CHST6: variants seen among roughly 807,000 people sequenced by gnomAD.
CHST6 encodes carbohydrate sulfotransferase 6.
For synonymous variants in CHST6, 309 were observed against 276.4 expected (o/e 1.12, Z -1.17); for missense variants, 698 against 586.2 (o/e 1.19, Z -1.97).
At chr16:75,482,425 G>A (rs966667120) in intron 1 of CHST6, among the ~76,000 whole-genome samples, 1 of 152,126 alleles carries the variant, frequency 6.6e-6, no homozygotes, top group South Asian at 2.1e-4. Context: ...GCACATGCCT[G>A]TACTAGGGAG....
In CHST6 at chr16:75,479,432, G is replaced by C; in HGVS notation, c.397C>G (p.Pro133Ala). The part of the protein sequence containing the change: ...WAVSRALCSP[P>A]ACSAFPRGAI... ...CCTCGGGGAAAGGCACTGCAGGCGGGTGGCGAGCACAGTGCACGGCTCACG... is the reference window on the plus strand; with the variant it reads ...CCTCGGGGAAAGGCACTGCAGGCGGCTGGCGAGCACAGTGCACGGCTCACG... The change falls in exon 3 of 3, where the codon CCC becomes GCC. Residue 133 changes from proline (P) to alanine (A), a missense_variant. Coordinates refer to ENST00000332272, the MANE Select transcript of CHST6 (RefSeq NM_021615.5). The C allele has an allele frequency of 6.2e-7, 1 of 1,612,928 alleles. No homozygotes were observed. The highest frequency in any genetic ancestry group is 8.5e-7 in the Non-Finnish European group (1 of 1,179,846).
chr16:75,492,782 G>A (rs1473054649), intron 1 of CHST6, among the ~76,000 whole-genome samples: 2 of 152,194 alleles, frequency 1.3e-5, no homozygotes, highest in Admixed American at 6.5e-5. Flanking sequence ...CCAGGAGTCC[G>A]AAGCTGCAGT....
rs2080087806 is a variant in CHST6 at position 75,478,271 on chromosome 16, C to T, written c.*370G>A. ...CATTTCACCACAGTGCCTCTCCACT[C>T]CCAGCCAGTGCCAGGGCACCCCCTC... On this transcript the variant is annotated 3_prime_UTR_variant, in exon 3 of 3. Transcript: ENST00000332272. The T allele has an allele frequency of 2.7e-6, 1 of 368,096 alleles. No individual in the cohort carries two copies. Among genetic ancestry groups the T allele is most frequent in the Non-Finnish European group, 5.2e-6 (1 of 193,194 alleles). The allele number at this position is 368,096 out of a possible 1,614,324, so 22.8% of individuals were successfully genotyped here.
Position 75,478,456 on chromosome 16 carries a change from A to T in CHST6, c.*185T>A. On this transcript the variant is annotated 3_prime_UTR_variant, in exon 3 of 3. Coordinates refer to ENST00000332272, the MANE Select transcript of CHST6 (RefSeq NM_021615.5). ...CCTGATGAGAAGGCAGCTCCAGAGG[A>T]CTCAAAGGAAAACCAAGAATCAAGA... 2 of 642,048 alleles carry T rather than the reference A, an allele frequency of 3.1e-6. No individual in the cohort carries two copies. Among genetic ancestry groups the T allele is most frequent in the Non-Finnish European group, 5.5e-6 (2 of 363,982 alleles). 39.8% of individuals were successfully genotyped at this position (642,048 alleles called of 1,614,324 possible).
At chr16:75,480,470 T>A (rs925930077) in intron 2 of CHST6, among the ~76,000 whole-genome samples, 1 of 152,066 alleles carries the variant, frequency 6.6e-6, no homozygotes, top group Non-Finnish European at 1.5e-5. Flanking sequence ...TATTGGAAAA[T>A]GGGAACATGT....
At chr16:75,491,177 AAAAAAAAAAAAAAATAT>A (rs2080249112) in intron 1 of CHST6, among the ~76,000 whole-genome samples, 2 of 78,162 alleles carry the variant, frequency 2.6e-5, no homozygotes, top group African/African-American at 1.1e-4. Context: ...AAAAAAAAAA[AAAAAAAAAAAAAAATAT>A]ATATATATAT....
Position 75,479,801 on chromosome 16 carries a change from C to T in CHST6, c.28G>A (p.Ala10Thr). 1.3e-6 allele frequency: 2 copies of T among 1,574,924 alleles called. No homozygotes were observed. Among genetic ancestry groups the T allele is most frequent in the Non-Finnish European group, 8.6e-7 (1 of 1,162,084 alleles). Reference sequence around the variant, plus strand: ...TGCGCCAGGAGGAGCGCGGTCACTGCTGTGCTGGAGACGCGCGGCAGCCAC... The same window carrying T: ...TGCGCCAGGAGGAGCGCGGTCACTGTTGTGCTGGAGACGCGCGGCAGCCAC... MWLPRVSST[A>T]VTALLLAQTF... Residue 10 changes from alanine (A) to threonine (T), a missense_variant, in exon 3 of 3, where the codon GCA (alanine) becomes ACA (threonine). Ala to Thr is a moderately conservative substitution (Grantham distance 58, BLOSUM62 0). Coordinates refer to ENST00000332272, the MANE Select transcript of CHST6 (RefSeq NM_021615.5).
intron 1 of CHST6, among the ~76,000 whole-genome samples, chr16:75,487,111 TC>T (rs773124976): frequency 3.9e-5 from 6 of 152,158 alleles, no homozygotes; most frequent in Non-Finnish European, 8.8e-5. Flanking sequence ...GTGGTCCACA[TC>T]CAGAGGGAGG....
At chr16:75,488,770 G>C (rs2080227560) in intron 1 of CHST6, among the ~76,000 whole-genome samples, 1 of 151,498 alleles carries the variant, frequency 6.6e-6, no homozygotes, top group South Asian at 2.1e-4. Flanking sequence ...GATCACATGA[G>C]GTCTGTAATG....
rs138114811 is a variant in CHST6, at chr16:75,474,758, A to C, written c.*3883T>G. ...GACAAAGAATGAACTCCTTCATTTA[A>C]AAGGCACCACTCTCAGGATAACCAA... On this transcript the variant is annotated 3_prime_UTR_variant, in exon 3 of 3. Coordinates refer to ENST00000332272, the MANE Select transcript of CHST6 (RefSeq NM_021615.5). 8.0e-3 allele frequency: 3,200 copies of C among 398,412 alleles called. 18 individuals carry two copies. The highest frequency in any genetic ancestry group is 0.01 in the Non-Finnish European group (2,319 of 225,958). 24.7% of individuals were successfully genotyped at this position (398,412 alleles called of 1,614,324 possible).
chr16:75,482,738 G>A (rs2738812), intron 1 of CHST6, among the ~76,000 whole-genome samples: 1 of 151,696 alleles, frequency 6.6e-6, no homozygotes, highest in South Asian at 2.1e-4. Flanking sequence ...CTCCTTGCCT[G>A]CCCCCTTCCC....
intron 1 of CHST6, among the ~76,000 whole-genome samples, chr16:75,489,956 C>G (rs2080238348): frequency 6.6e-6 from 1 of 151,712 alleles, no homozygotes; most frequent in African/African-American, 2.4e-5. Flanking sequence ...GTGTGTGGAT[C>G]ACCTGAGGTC....
chr16:75,493,662 C>T (rs1356047279), intron 1 of CHST6, among the ~76,000 whole-genome samples: 1 of 152,176 alleles, frequency 6.6e-6, no homozygotes, highest in African/African-American at 2.4e-5. Flanking sequence ...TAGCAATCTT[C>T]CTTCCTGGGC....
intron 2 of CHST6, among the ~76,000 whole-genome samples, chr16:75,480,927 CAAA>C (rs60465949): frequency 3.6e-5 from 4 of 111,384 alleles, no homozygotes; most frequent in African/African-American, 1.2e-4. Flanking sequence ...AACTTCATTC[CAAA>C]AAAAAAAAAA....
At chr16:75,480,398 C>G (rs1001541345) in intron 2 of CHST6, among the ~76,000 whole-genome samples, 1 of 152,134 alleles carries the variant, frequency 6.6e-6, no homozygotes, top group Non-Finnish European at 1.5e-5. Context: ...CGCCCCGTGA[C>G]TCAGTTTACC....
Position 75,481,827 on chromosome 16 carries a change from G to T in CHST6, c.-27C>A. On this transcript the variant is annotated 5_prime_UTR_variant, in exon 2 of 3. Coordinates refer to ENST00000332272, the MANE Select transcript of CHST6 (RefSeq NM_021615.5). The stretch of plus-strand genomic sequence containing the variant: ...GCTGAGGGGACTCACCACTGTCCAG[G>T]GCTGCTGGGAGAGCTGCAACGCTGA... 3.5e-6 allele frequency: 2 copies of T among 578,514 alleles called. No individual in the cohort carries two copies. The highest frequency in any genetic ancestry group is 3.0e-5 in the South Asian group (2 of 66,544). The allele number at this position is 578,514 out of a possible 1,614,324, so 35.8% of individuals were successfully genotyped here.
chr16:75,481,204 A>G (rs889006708), intron 2 of CHST6, among the ~76,000 whole-genome samples: 3 of 152,102 alleles, frequency 2.0e-5, no homozygotes, highest in African/African-American at 7.2e-5. Flanking sequence ...TGAGCCCAGG[A>G]GTTTGAGGTT....
At chr16:75,484,193 C>T (rs1280552459) in intron 1 of CHST6, among the ~76,000 whole-genome samples, 1 of 151,724 alleles carries the variant, frequency 6.6e-6, no homozygotes, top group Non-Finnish European at 1.5e-5. Context: ...TAAAAATAGC[C>T]AGGCATGATG....
At chr16:75,489,058 A>G (rs2080231031) in intron 1 of CHST6, among the ~76,000 whole-genome samples, 1 of 151,838 alleles carries the variant, frequency 6.6e-6, no homozygotes, top group East Asian at 1.9e-4. Flanking sequence ...TATGACATGG[A>G]CCTGATGATC....
Sources: allele counts gnomAD v4.1 joint callset (sites outside exome capture counted in the v4.1 genomes callset), GRCh38; gene constraint gnomAD v4.1.1; transcripts MANE v1.5; gene names NCBI Gene and HGNC (gene_info 2026-07-23, HGNC 2026-07-21).